The following AP2A2 variants were observed in gnomAD, a reference collection of about 807,000 sequenced individuals.
AP2A2 encodes the protein AP-2 complex subunit alpha-2.
A neutral mutation model predicts 104.2 loss-of-function variants in AP2A2; 32 were observed. The observed-to-expected ratio is 0.31, with a 90% CI of 0.23 to 0.41. The LOEUF (loss-of-function observed/expected upper bound fraction) is 0.41. Among genes scored for constraint, AP2A2 ranks in the 10% least tolerant of loss-of-function variants. The pLI, the probability that AP2A2 is intolerant of heterozygous loss-of-function variation, is 1.00. For synonymous variants in AP2A2, 539 were observed against 533.3 expected (o/e 1.01, Z -0.15); for missense variants, 912 against 1,261.0 (o/e 0.72, Z 4.19).
chr11:936,303 C>T (rs554334881), intron 1 of AP2A2, among the ~76,000 whole-genome samples: 79 of 150,718 alleles, frequency 5.2e-4, no homozygotes, highest in Middle Eastern at 3.5e-3. Context: ...GCTTCGACCT[C>T]CTGGACTCAA....
intron 1 of AP2A2, among the ~76,000 whole-genome samples, chr11:946,048 G>A (rs1276718546): frequency 2.0e-5 from 3 of 152,220 alleles, no homozygotes; most frequent in Non-Finnish European, 4.4e-5. Flanking sequence ...CCGGAATGGT[G>A]GAGTGAGGCC....
intron 1 of AP2A2, among the ~76,000 whole-genome samples, chr11:947,957 TA>T: frequency 6.6e-6 from 1 of 152,218 alleles, no homozygotes; most frequent in East Asian, 1.9e-4. Context: ...CATTGTCTCT[TA>T]AAAAAACTTG....
chr11:963,082 A>G (rs2134581953), intron 2 of AP2A2, among the ~76,000 whole-genome samples: 1 of 152,330 alleles, frequency 6.6e-6, no homozygotes, highest in African/African-American at 2.4e-5. Flanking sequence ...AATGAAATTA[A>G]TAATATATTT....
chr11:954,286 A>C (rs1854155257), intron 1 of AP2A2, among the ~76,000 whole-genome samples: 1 of 152,178 alleles, frequency 6.6e-6, no homozygotes, highest in African/African-American at 2.4e-5. Flanking sequence ...CTGGCCCCAA[A>C]GTTCACTCTT....
chr11:936,509 T>C (rs1337352491), intron 1 of AP2A2, among the ~76,000 whole-genome samples: 1 of 152,122 alleles, frequency 6.6e-6, no homozygotes, highest in Non-Finnish European at 1.5e-5. Context: ...TCCTCTTGCC[T>C]CAGCTTCTTG....
Position 984,737 on chromosome 11 carries a change from G to A in AP2A2, c.798G>A (p.Gln266=), listed in dbSNP as rs966268950. 6 of 1,612,000 alleles carry A rather than the reference G, an allele frequency of 3.7e-6. No individual in the cohort carries two copies. The African/African-American group carries it at 8.0e-5, about 22-fold the overall frequency. Residue 266 remains glutamine, a synonymous_variant, in exon 7 of 22, where the codon CAG becomes CAA. Transcript: ENST00000448903. ...WLSVKLLRLL[Q]CYPPPDPAVR... ...CTGTCAAACTGCTGAGACTGCTGCAGTGCTACCCACCCCCAGGTAACGCGC... is the reference window on the plus strand; with the variant it reads ...CTGTCAAACTGCTGAGACTGCTGCAATGCTACCCACCCCCAGGTAACGCGC...
At chr11:933,733 G>A (rs928746271) in intron 1 of AP2A2, 1 of 443,096 alleles carries the variant, frequency 2.3e-6, no homozygotes, top group Non-Finnish European at 4.6e-6. Context: ...TGGGCACTCA[G>A]GAGCGGGGAT....
Position 1,000,482 on chromosome 11 carries a change from T to A in AP2A2, c.2007T>A (p.Pro669=), listed in dbSNP as rs749551772. The change falls in exon 15 of 22, where the codon CCT becomes CCA. Residue 669 remains proline (P), a synonymous_variant. Transcript: ENST00000448903. ...ADLLGLGAAP[P]APAGPPPSSG... ...TGCTGGGTCTCGGGGCTGCCCCCCC[T>A]GCCCCCGCGGGCCCCCCACCCTCCT... is the stretch of plus-strand genomic sequence containing the variant. 5.2e-6 allele frequency: 8 copies of A among 1,538,782 alleles called. No homozygotes were observed. The highest frequency in any genetic ancestry group is 7.0e-6 in the Non-Finnish European group (8 of 1,146,184).
At chr11:932,539 G>T (rs914380550) in intron 1 of AP2A2, among the ~76,000 whole-genome samples, 1 of 152,230 alleles carries the variant, frequency 6.6e-6, no homozygotes, top group Non-Finnish European at 1.5e-5. Flanking sequence ...CCTTTTGACT[G>T]TACATTCCTA....
chr11:998,234 T>C (rs1034258375), intron 14 of AP2A2, among the ~76,000 whole-genome samples: 9 of 152,166 alleles, frequency 5.9e-5, no homozygotes, highest in African/African-American at 1.7e-4. Flanking sequence ...ACCCGTGTCG[T>C]CTTCTCTTGC....
At chr11:960,004 A>G (rs1284780038) in intron 2 of AP2A2, among the ~76,000 whole-genome samples, 1 of 152,164 alleles carries the variant, frequency 6.6e-6, no homozygotes, top group Admixed American at 6.5e-5. Flanking sequence ...ACCCCAGTTA[A>G]TCCTTAAAGC....
At chr11:984,604 C>G in intron 6 of AP2A2, 41 bp from the exon 7 acceptor site, 1 of 1,512,904 alleles carries the variant, frequency 6.6e-7, no homozygotes, top group Non-Finnish European at 9.2e-7. Flanking sequence ...AGTAGGGGCT[C>G]GTGTCCGGCA....
intron 6 of AP2A2, among the ~76,000 whole-genome samples, chr11:984,202 G>A (rs575263577): frequency 3.0e-4 from 45 of 152,280 alleles, no homozygotes; most frequent in Non-Finnish European, 4.3e-4. Flanking sequence ...TGAGTGAGGT[G>A]GGCAGTCTCC....
At position 1,011,097 on chromosome 11, in the gene AP2A2, C is replaced by T. The variant is rs1451294155; in HGVS notation, c.*472C>T. 1 of 594,414 alleles carries T rather than the reference C, an allele frequency of 1.7e-6. No homozygotes were observed. The highest frequency in any genetic ancestry group is 1.8e-5 in the African/African-American group (1 of 55,140). 36.8% of individuals were successfully genotyped at this position (594,414 alleles called of 1,614,324 possible). On this transcript the variant is annotated 3_prime_UTR_variant, in exon 22 of 22. Coordinates refer to ENST00000448903, the MANE Select transcript of AP2A2 (RefSeq NM_012305.4). Reference sequence around the variant, plus strand: ...CGTCGTCCTGGGCCCTTGGGAGGAGCACAGCTGACCCTGGTTTTGCTGCAG... The same window carrying T: ...CGTCGTCCTGGGCCCTTGGGAGGAGTACAGCTGACCCTGGTTTTGCTGCAG...
At position 931,766 on chromosome 11, in the gene AP2A2, T is replaced by C. The variant is rs185415010; in HGVS notation, c.67+5678T>C. Among the ~76,000 whole-genome samples, 3 of 152,128 alleles carry C rather than the reference T, an allele frequency of 2.0e-5. No individual in the cohort carries two copies. The East Asian group carries it at 5.8e-4, about 29-fold the overall frequency. ...GAAAAATTATCAGTGCTCTGCTCAT[T>C]GTGGTTGGCATAAAACTTGGTCCCT... is the stretch of plus-strand genomic sequence containing the variant. On this transcript the variant is annotated intron_variant, in intron 1 of 21. Coordinates refer to ENST00000448903, the MANE Select transcript of AP2A2 (RefSeq NM_012305.4).
At chr11:1,005,844 A>G (rs1856185158) in intron 16 of AP2A2, among the ~76,000 whole-genome samples, 1 of 152,190 alleles carries the variant, frequency 6.6e-6, no homozygotes, top group Non-Finnish European at 1.5e-5. Context: ...TGGGTTTTTA[A>G]ATTGTGGGAG....
In AP2A2 at chr11:1,009,414, G is replaced by T. The variant is rs1223220762; in HGVS notation, c.2607+17G>T. ...AAAGCCAAGGTAACACGTCTGGAGG[G>T]ACGGCCCCGGGGGACACGCAGCCCG... On this transcript the variant is annotated intron_variant, in intron 20 of 21. Transcript: ENST00000448903. 2 of 1,607,938 alleles carry T rather than the reference G, an allele frequency of 1.2e-6. No homozygotes were observed. The highest frequency in any genetic ancestry group is 1.7e-6 in the Non-Finnish European group (2 of 1,175,898).
chr11:973,109 C>T (rs1854891267), intron 4 of AP2A2, among the ~76,000 whole-genome samples: 2 of 152,242 alleles, frequency 1.3e-5, no homozygotes, highest in Admixed American at 1.3e-4. Context: ...TGCCACCCGG[C>T]TGAGCTAGGC....
chr11:972,157 C>A lies in AP2A2; in HGVS notation c.375C>A (p.Pro125=), dbSNP rs1282055092. 1 of 1,613,500 alleles carries A rather than the reference C, an allele frequency of 6.2e-7. No homozygotes were observed. Among genetic ancestry groups the A allele is most frequent in the Non-Finnish European group, 8.5e-7 (1 of 1,179,776 alleles). The part of the protein sequence containing the change: ...AIKNDLASRN[P]TFMGLALHCI... ...AGAATGACCTGGCCAGCCGCAACCC[C>A]ACCTTCATGGGCCTGGCCCTGCACT... The change falls in exon 4 of 22, where the codon CCC becomes CCA. Residue 125 remains proline, a synonymous_variant. Transcript: ENST00000448903.
Sources: allele counts gnomAD v4.1 joint callset (sites outside exome capture counted in the v4.1 genomes callset), GRCh38; gene constraint gnomAD v4.1.1; transcripts MANE v1.5; gene names NCBI Gene and HGNC (gene_info 2026-07-23, HGNC 2026-07-21).